Variants in GRM5 observed in about 807,000 individuals in gnomAD.
The protein encoded by GRM5 is glutamate metabotropic receptor 5.
A neutral mutation model predicts 83.1 loss-of-function variants in GRM5; 19 were observed. The ratio of observed to expected loss-of-function variants is 0.23; its 90% confidence interval spans 0.16 to 0.34. GRM5 has a LOEUF of 0.34. Ranked by LOEUF, GRM5 falls within the 10% of genes least tolerant of loss-of-function variation. The probability of loss-of-function intolerance (pLI) is 1.00; values close to 1 mark genes in which losing one functional copy is unlikely to be tolerated. For missense variants in GRM5, 1,160 were observed against 1,588.3 expected, an observed-to-expected ratio of 0.73 and a Z score of 4.58; for synonymous variants, 675 against 633.6, an observed-to-expected ratio of 1.07 and a Z score of -0.98.
In GRM5 at chr11:88,667,897, G is replaced by A. The variant is rs533405591; in HGVS notation, c.912-14494C>T. Among the ~76,000 whole-genome samples the A allele has an allele frequency of 2.3e-3, 304 of 130,700 alleles. 1 individual carries two copies. The highest frequency in any genetic ancestry group is 4.3e-3 in the Admixed American group (56 of 12,970). The allele number at this position is 130,700 out of a possible 152,430, so 85.7% of individuals were successfully genotyped here. ...GACAGAGGGAGACTCTATCAAAAAA[G>A]AAAAAAAAAAGAAAAAAAATGTTAA... On this transcript the variant is annotated intron_variant, in intron 3 of 9. Transcript: ENST00000305447.
At chr11:88,665,364 G>A (rs998698387) in intron 3 of GRM5, among the ~76,000 whole-genome samples, 4 of 152,096 alleles carry the variant, frequency 2.6e-5, no homozygotes, top group African/African-American at 7.2e-5. Context: ...ATTAGAAGAT[G>A]CTTAAGAGAC....
chr11:89,031,851 T>G (rs1037527269), intron 2 of GRM5, among the ~76,000 whole-genome samples: 2 of 151,936 alleles, frequency 1.3e-5, no homozygotes, highest in African/African-American at 2.4e-5. Flanking sequence ...TACATATAGT[T>G]TAAGTTGTTC....
chr11:88,682,416 C>A (rs977365466), intron 3 of GRM5, among the ~76,000 whole-genome samples: 1 of 151,586 alleles, frequency 6.6e-6, no homozygotes, highest in African/African-American at 2.4e-5. Flanking sequence ...CAATTCAAAC[C>A]AGAAAAAAGC....
At chr11:88,573,743 T>G (rs942086096) in intron 7 of GRM5, among the ~76,000 whole-genome samples, 1 of 152,218 alleles carries the variant, frequency 6.6e-6, no homozygotes, top group Non-Finnish European at 1.5e-5. Flanking sequence ...AGGTGTTGAC[T>G]GGTGACTAAC....
chr11:88,931,856 T>C (rs574296394), intron 2 of GRM5, among the ~76,000 whole-genome samples: 3 of 152,280 alleles, frequency 2.0e-5, no homozygotes, highest in Non-Finnish European at 4.4e-5. Context: ...ATTTATATCT[T>C]CGCTACTGTC....
intron 4 of GRM5, among the ~76,000 whole-genome samples, chr11:88,622,684 G>A (rs1206855184): frequency 2.0e-5 from 3 of 152,066 alleles, no homozygotes; most frequent in Non-Finnish European, 2.9e-5. Context: ...TTTATACAAC[G>A]AGTATGTATT....
chr11:88,882,275 A>AT (rs1944969013), intron 2 of GRM5, among the ~76,000 whole-genome samples: 1 of 151,252 alleles, frequency 6.6e-6, no homozygotes, highest in African/African-American at 2.4e-5. Flanking sequence ...TAAATAATAA[A>AT]AAGAAAAATA....
In GRM5 at chr11:88,504,837, A is replaced by C. The variant is rs1187861872; in HGVS notation, c.*3755T>G. On this transcript the variant is annotated 3_prime_UTR_variant, in exon 10 of 10. Coordinates refer to ENST00000305447, the MANE Select transcript of GRM5 (RefSeq NM_001143831.3). ...CTGCCACAACAGAGAAAGAACAGAT[A>C]CACGCACACAATTTTAAAACCAAAT... 6.6e-6 allele frequency: 1 copy of C among 152,206 alleles called. No homozygotes were observed. Among genetic ancestry groups the C allele is most frequent in the African/African-American group, 2.4e-5 (1 of 41,462 alleles). The allele number at this position is 152,206 out of a possible 1,614,324, so 9.4% of individuals were successfully genotyped here.
intron 2 of GRM5, among the ~76,000 whole-genome samples, chr11:88,852,244 T>C (rs1944400672): frequency 6.6e-6 from 1 of 152,198 alleles, no homozygotes; most frequent in African/African-American, 2.4e-5. Context: ...TAATATGTTG[T>C]AGAGAAGCAG....
intron 8 of GRM5, among the ~76,000 whole-genome samples, chr11:88,560,547 AT>A (rs1040813298): frequency 2.0e-5 from 3 of 152,016 alleles, no homozygotes; most frequent in East Asian, 1.9e-4. Context: ...GAAAGAAAGC[AT>A]TTTTTTTCTT....
chr11:88,984,305 C>A (rs1196401626), intron 2 of GRM5, among the ~76,000 whole-genome samples: 1 of 151,996 alleles, frequency 6.6e-6, no homozygotes, highest in Non-Finnish European at 1.5e-5. Flanking sequence ...TTTACTGTAC[C>A]TTTTCTATGT....
chr11:88,682,611 A>G (rs539769003), intron 3 of GRM5, among the ~76,000 whole-genome samples: 6 of 151,998 alleles, frequency 3.9e-5, no homozygotes, highest in Non-Finnish European at 7.4e-5. Flanking sequence ...ATATTCTGGC[A>G]TTAATTACTT....
intron 2 of GRM5, among the ~76,000 whole-genome samples, chr11:88,948,633 C>A (rs548451266): frequency 6.6e-5 from 10 of 152,272 alleles, no homozygotes; most frequent in African/African-American, 2.4e-4. Flanking sequence ...GGAGATCATT[C>A]CTGTTTTCCT....
intron 4 of GRM5, among the ~76,000 whole-genome samples, chr11:88,646,277 A>G (rs936409973): frequency 5.9e-5 from 9 of 152,082 alleles, no homozygotes; most frequent in Non-Finnish European, 1.2e-4. Context: ...ATATACTATT[A>G]GAGAAAAATT....
At chr11:88,877,302 G>T (rs1944871709) in intron 2 of GRM5, among the ~76,000 whole-genome samples, 2 of 151,998 alleles carry the variant, frequency 1.3e-5, no homozygotes. Flanking sequence ...GACATTAGAA[G>T]AATGCAAATT....
chr11:88,949,913 G>T (rs1452106044), intron 2 of GRM5, among the ~76,000 whole-genome samples: 1 of 152,074 alleles, frequency 6.6e-6, no homozygotes, highest in Non-Finnish European at 1.5e-5. Context: ...TGCCCAGGCT[G>T]GAGTGCAGTG....
At chr11:88,793,996 A>C (rs182181236) in intron 3 of GRM5, among the ~76,000 whole-genome samples, 1 of 152,204 alleles carries the variant, frequency 6.6e-6, no homozygotes, top group East Asian at 1.9e-4. Context: ...TGCCTGGCTA[A>C]TTTTATATAC....
rs1320906234 is a variant in GRM5, at chr11:88,590,725, C to G, written c.1566G>C (p.Val522=). 8.7e-6 allele frequency: 14 copies of G among 1,607,060 alleles called. No individual in the cohort carries two copies. The East Asian group carries it at 3.1e-4, about 36-fold the overall frequency. The change falls in exon 7 of 10, where the codon GTG becomes GTC. Residue 522 remains valine (V), a splice_region_variant and synonymous_variant. Coordinates refer to ENST00000305447, the MANE Select transcript of GRM5 (RefSeq NM_001143831.3). ...SEPCEKGQIK[V]IRKGEVSCCW... ...AACAGCTGACTTCTCCCTTTCGGAT[C>G]ACCTAAGGCAAATATTTGAAATTTA...
At chr11:88,909,181 T>G (rs1169053024) in intron 2 of GRM5, among the ~76,000 whole-genome samples, 1 of 152,142 alleles carries the variant, frequency 6.6e-6, no homozygotes, top group African/African-American at 2.4e-5. Context: ...ATTATTGCCT[T>G]GGAAACCTTG....
Sources: gnomAD v4.1 joint callset for allele counts (sites outside exome capture counted in the v4.1 genomes callset) on GRCh38, gnomAD v4.1.1 for gene constraint, MANE v1.5 for transcripts, NCBI Gene and HGNC (gene_info 2026-07-23, HGNC 2026-07-21) for gene names.